The following MAP2K5 variants were observed in gnomAD, a reference collection of about 807,000 sequenced individuals.
MAP2K5 encodes the protein mitogen-activated protein kinase kinase 5.
In MAP2K5, 49 loss-of-function variants were observed where a neutral mutation model predicts 83.1. That is an observed-to-expected ratio of 0.59 (90% CI 0.47 to 0.75). The LOEUF (loss-of-function observed/expected upper bound fraction) is 0.75, where lower values mean the gene tolerates loss of function less well. Ranked by LOEUF, MAP2K5 falls within the 30% of genes least tolerant of loss-of-function variation. The pLI is 0.00. For synonymous variants in MAP2K5, 202 were observed against 191.8 expected (o/e 1.05, Z -0.44); for missense variants, 457 against 557.5 (o/e 0.82, Z 1.82).
intron 13 of MAP2K5, among the ~76,000 whole-genome samples, chr15:67,684,557 T>C (rs942063887): frequency 2.0e-5 from 3 of 152,144 alleles, no homozygotes; most frequent in Non-Finnish European, 4.4e-5. Flanking sequence ...AAATAAAAAG[T>C]TGACAAGCAA....
At position 67,555,005 on chromosome 15, in the gene MAP2K5, T is replaced by C. The variant is rs2084594969; in HGVS notation, c.184+4923T>C. On this transcript the variant is annotated intron_variant, in intron 2 of 21. Coordinates refer to ENST00000178640, the MANE Select transcript of MAP2K5 (RefSeq NM_145160.3). This position sits in a 1 kb window ranked among gnomAD's most constrained non-coding sequence, Gnocchi z 5.2. ...GTCAAACCTGAGGAGCTGTATTCTTTCTGATTTCTTTTTCTGGGTGTGGTG... is the reference window on the plus strand; with the variant it reads ...GTCAAACCTGAGGAGCTGTATTCTTCCTGATTTCTTTTTCTGGGTGTGGTG... 6.6e-6 allele frequency among the ~76,000 whole-genome samples: 1 copy of C among 152,294 alleles called. No homozygotes were observed. The highest frequency in any genetic ancestry group is 2.4e-5 in the African/African-American group (1 of 41,556).
chr15:67,739,178 G>A (rs905430359), intron 17 of MAP2K5, among the ~76,000 whole-genome samples: 17 of 150,872 alleles, frequency 1.1e-4, no homozygotes, highest in Non-Finnish European at 4.4e-5. Flanking sequence ...TATTCAGGAG[G>A]CTGAGGAGGG....
At chr15:67,796,964 T>C (rs1409443027) in intron 21 of MAP2K5, among the ~76,000 whole-genome samples, 1 of 152,202 alleles carries the variant, frequency 6.6e-6, no homozygotes, top group Non-Finnish European at 1.5e-5. Flanking sequence ...ACATTGTGTC[T>C]GTTCACATGG....
At chr15:67,756,870 G>A (rs943843883) in intron 19 of MAP2K5, among the ~76,000 whole-genome samples, 1 of 151,920 alleles carries the variant, frequency 6.6e-6, no homozygotes, top group African/African-American at 2.4e-5. Context: ...CAAATGACAG[G>A]ATTTCCTTTT....
At chr15:67,689,870 T>C (rs1330386310) in intron 13 of MAP2K5, among the ~76,000 whole-genome samples, 1 of 152,176 alleles carries the variant, frequency 6.6e-6, no homozygotes, top group Non-Finnish European at 1.5e-5. Flanking sequence ...TCATTAACTG[T>C]CTCCATCTGA....
At chr15:67,642,853 G>C (rs1412646186) in intron 9 of MAP2K5, among the ~76,000 whole-genome samples, 1 of 152,146 alleles carries the variant, frequency 6.6e-6, no homozygotes, top group East Asian at 1.9e-4. Flanking sequence ...CAGTAGTTTG[G>C]GGTTAATTCC....
At chr15:67,658,043 A>G (rs1353230491) in intron 11 of MAP2K5, among the ~76,000 whole-genome samples, 2 of 152,062 alleles carry the variant, frequency 1.3e-5, no homozygotes. Flanking sequence ...ATATACCTCA[A>G]TTTGACTCTT....
chr15:67,585,604 A>T (rs1370823799), intron 4 of MAP2K5: 1 of 361,348 alleles, frequency 2.8e-6, no homozygotes, highest in African/African-American at 2.0e-5. Context: ...TGAATTATGA[A>T]AGGAATCTAA....
chr15:67,711,412 G>A (rs926197760), intron 16 of MAP2K5, among the ~76,000 whole-genome samples: 6 of 152,240 alleles, frequency 3.9e-5, no homozygotes, highest in South Asian at 2.1e-4. Flanking sequence ...TAGAACCTTC[G>A]GTAAATTACT....
At chr15:67,586,045 TA>T in intron 5 of MAP2K5, 115 bp downstream of exon 5, 6 of 953,230 alleles carry the variant, frequency 6.3e-6, no homozygotes, top group Non-Finnish European at 1.0e-5. Flanking sequence ...GCGATCCTTT[TA>T]TTTTTTTTAA....
intron 12 of MAP2K5, chr15:67,659,481 A>G (rs1373197307): frequency 6.6e-6 from 1 of 151,860 alleles, no homozygotes; most frequent in Admixed American, 6.6e-5. Flanking sequence ...TTTTCTTTCT[A>G]ATTATTAGTG....
chr15:67,666,355 T>A (rs7170535), intron 13 of MAP2K5, among the ~76,000 whole-genome samples: 3 of 152,208 alleles, frequency 2.0e-5, no homozygotes. Flanking sequence ...ATGTACCTTT[T>A]GTATTCCTGT....
rs146061242 is a variant in MAP2K5 at position 67,572,150 on chromosome 15, C to G, written c.253-8604C>G. On this transcript the variant is annotated intron_variant, in intron 3 of 21. Coordinates refer to ENST00000178640, the MANE Select transcript of MAP2K5 (RefSeq NM_145160.3). This position sits in a 1 kb window ranked among gnomAD's most constrained non-coding sequence, Gnocchi z 4.2. The stretch of plus-strand genomic sequence containing the variant: ...GGTGGAGTAAGTTAGGACAAGGGGA[C>G]TAGGAAGGATGTTTGGGGCAGAAAG... Among the ~76,000 whole-genome samples the G allele has an allele frequency of 2.7e-3, 406 of 152,152 alleles. 1 individual carries two copies. The highest frequency in any genetic ancestry group is 4.5e-3 in the Admixed American group (69 of 15,280).
chr15:67,639,740 T>G (rs1054800346), intron 9 of MAP2K5, among the ~76,000 whole-genome samples: 2 of 152,252 alleles, frequency 1.3e-5, no homozygotes, highest in Admixed American at 6.5e-5. Flanking sequence ...CTTACATGTT[T>G]GAATCCTGTG....
At chr15:67,715,752 A>G (rs1392163222) in intron 16 of MAP2K5, among the ~76,000 whole-genome samples, 8 of 152,250 alleles carry the variant, frequency 5.3e-5, no homozygotes, top group Admixed American at 5.2e-4. Flanking sequence ...CAGCAAGCTG[A>G]TCTTTTATGA....
chr15:67,715,905 G>T (rs191362645), intron 16 of MAP2K5, among the ~76,000 whole-genome samples: 1 of 152,208 alleles, frequency 6.6e-6, no homozygotes, highest in Non-Finnish European at 1.5e-5. Context: ...TTTGCCTTTA[G>T]AGGTAAAAAT....
chr15:67,733,470 T>G (rs144882434), intron 17 of MAP2K5, among the ~76,000 whole-genome samples: 22 of 152,258 alleles, frequency 1.4e-4, no homozygotes, highest in African/African-American at 3.8e-4. Flanking sequence ...GGCATTCAAA[T>G]AAATTATTGC....
At chr15:67,776,388 G>A (rs1424658106) in intron 21 of MAP2K5, among the ~76,000 whole-genome samples, 1 of 152,154 alleles carries the variant, frequency 6.6e-6, no homozygotes, top group Non-Finnish European at 1.5e-5. Flanking sequence ...AGACCCTGAG[G>A]AGGTAGCAGA....
At chr15:67,553,698 G>A (rs1010226817) in intron 2 of MAP2K5, among the ~76,000 whole-genome samples, 7 of 151,876 alleles carry the variant, frequency 4.6e-5, no homozygotes, top group Non-Finnish European at 5.9e-5. Context: ...TGGATCATGA[G>A]GTCAGGAGAT....
Sources: allele counts gnomAD v4.1 joint callset (sites outside exome capture counted in the v4.1 genomes callset), GRCh38; gene constraint gnomAD v4.1.1; non-coding constraint Gnocchi (gnomAD v3.1); transcripts MANE v1.5; gene names NCBI Gene and HGNC (gene_info 2026-07-23, HGNC 2026-07-21).